Variants in ZNF250 observed in about 807,000 individuals in gnomAD.
ZNF250 encodes zinc finger protein 250.
Under a neutral mutation model 37.1 loss-of-function variants are expected in ZNF250, and 13 were observed. The observed-to-expected ratio is 0.35, with a 90% CI of 0.23 to 0.56. ZNF250 has a LOEUF of 0.56. ZNF250 is among the 20% of genes least tolerant of loss of function. The pLI is 0.87. For synonymous variants in ZNF250, 251 were observed against 265.6 expected (o/e 0.94, Z 0.54); for missense variants, 474 against 697.9 (o/e 0.68, Z 3.61).
chr8:144,898,322 CAAACAAAACAAAACA>C (rs139656437), intron 1 of ZNF250, among the ~76,000 whole-genome samples: 3 of 151,680 alleles, frequency 2.0e-5, no homozygotes, highest in African/African-American at 4.8e-5. Flanking sequence ...AATAAACAAA[CAAACAAAACAAAACA>C]AAACAAAACA....
At chr8:144,898,150 A>G (rs1832845438) in intron 1 of ZNF250, among the ~76,000 whole-genome samples, 1 of 152,168 alleles carries the variant, frequency 6.6e-6, no homozygotes, top group Non-Finnish European at 1.5e-5. Context: ...TACAAAAATT[A>G]GCTGGGTGTG....
In ZNF250 at chr8:144,890,972, G is replaced by A. The variant is rs536702732; in HGVS notation, c.-54-569C>T. 3.3e-5 allele frequency among the ~76,000 whole-genome samples: 5 copies of A among 152,312 alleles called. No individual in the cohort carries two copies. Among genetic ancestry groups the A allele is most frequent in the Admixed American group, 6.5e-5 (1 of 15,306 alleles). ...GGAGGCATGGAAGTGGTCAGTTCTGGACAAACTGAGTCAACAGTGGCCTAG... is the reference window on the plus strand; with the variant it reads ...GGAGGCATGGAAGTGGTCAGTTCTGAACAAACTGAGTCAACAGTGGCCTAG... On this transcript the variant is annotated intron_variant, in intron 1 of 5. Transcript: ENST00000417550. The surrounding 1 kb of genome is among the most constrained non-coding windows in gnomAD (Gnocchi z 5.1).
rs1019640441 is a variant in ZNF250, at chr8:144,901,096, C to T, written c.-55+303G>A. ...TGGGAGGGACGCCGGTCTGACGGGG[C>T]CCAAGGGGGTAGGGGCGGGGAAGGG... On this transcript the variant is annotated intron_variant, in intron 1 of 5. Coordinates refer to ENST00000417550, the MANE Select transcript of ZNF250 (RefSeq NM_001109689.4). This position sits in a 1 kb window ranked among gnomAD's most constrained non-coding sequence, Gnocchi z 5.4. 6.6e-6 allele frequency among the ~76,000 whole-genome samples: 1 copy of T among 151,820 alleles called. No individual in the cohort carries two copies. The highest frequency in any genetic ancestry group is 2.4e-5 in the African/African-American group (1 of 41,330).
intron 1 of ZNF250, among the ~76,000 whole-genome samples, chr8:144,894,756 C>T (rs1832594965): frequency 6.6e-6 from 1 of 152,064 alleles, no homozygotes; most frequent in African/African-American, 2.4e-5. Flanking sequence ...CTCCTGGGCT[C>T]AGGTGATCCT....
At position 144,901,023 on chromosome 8, in the gene ZNF250, G is replaced by T. The variant is rs1027991375; in HGVS notation, c.-55+376C>A. 2.6e-5 allele frequency among the ~76,000 whole-genome samples: 4 copies of T among 152,182 alleles called. No individual in the cohort carries two copies. Among genetic ancestry groups the T allele is most frequent in the Admixed American group, 6.5e-5 (1 of 15,286 alleles). On this transcript the variant is annotated intron_variant, in intron 1 of 5. Transcript: ENST00000417550. The surrounding 1 kb of genome is among the most constrained non-coding windows in gnomAD (Gnocchi z 5.4). ...GCACGGCGCCCGGTAGAAAGCGCGC[G>T]GGAGGGCACGAGGGGGAGGAAGGCC...
intron 5 of ZNF250, 43 bp downstream of exon 5, chr8:144,886,797 T>C: frequency 6.3e-7 from 1 of 1,577,490 alleles, no homozygotes; most frequent in Non-Finnish European, 8.7e-7. Context: ...TGTTAACACC[T>C]TCAGAGATTG....
chr8:144,882,430 C>T lies in ZNF250; in HGVS notation c.753G>A (p.Glu251=), dbSNP rs371435155. 48 of 1,614,036 alleles carry T rather than the reference C, an allele frequency of 3.0e-5. No homozygotes were observed. The highest frequency in any genetic ancestry group is 4.1e-5 in the Non-Finnish European group (48 of 1,180,036). Residue 251 remains glutamate, a synonymous_variant, in exon 6 of 6, where the codon GAG becomes GAA. Transcript: ENST00000417550. The surrounding 1 kb of genome is among the most constrained non-coding windows in gnomAD (Gnocchi z 5.5). ...TAAAGGCTTTTCCACACTCATTACA[C>T]TCATAGGGCTTCTCACCTGTGTGAA... is the stretch of plus-strand genomic sequence containing the variant. ...RRIHTGEKPY[E]CNECGKAFRV...
intron 4 of ZNF250, among the ~76,000 whole-genome samples, chr8:144,888,367 C>T (rs1333193542): frequency 6.6e-6 from 1 of 152,012 alleles, no homozygotes; most frequent in Admixed American, 6.6e-5. Flanking sequence ...GAGGCTGAGG[C>T]AGGTGGATCA....
intron 4 of ZNF250, among the ~76,000 whole-genome samples, chr8:144,887,280 A>T (rs920618443): frequency 2.2e-5 from 3 of 134,406 alleles, no homozygotes; most frequent in Non-Finnish European, 4.9e-5. Context: ...AAAAAAAAAA[A>T]GAGTGGAAAA....
At chr8:144,888,346 C>T (rs986640112) in intron 4 of ZNF250, among the ~76,000 whole-genome samples, 2 of 151,896 alleles carry the variant, frequency 1.3e-5, no homozygotes, top group Non-Finnish European at 2.9e-5. Flanking sequence ...CCTGTAATAC[C>T]AGCACTTTGG....
intron 5 of ZNF250, among the ~76,000 whole-genome samples, chr8:144,883,155 C>T (rs1831619331): frequency 6.6e-6 from 1 of 152,186 alleles, no homozygotes; most frequent in Non-Finnish European, 1.5e-5. Flanking sequence ...CAGGGGTCCT[C>T]ATGTGGACAG....
At chr8:144,885,476 T>G (rs1831807154) in intron 5 of ZNF250, among the ~76,000 whole-genome samples, 1 of 152,060 alleles carries the variant, frequency 6.6e-6, no homozygotes, top group African/African-American at 2.4e-5. Flanking sequence ...TATGTGGGTT[T>G]TTTTTTGAGA....
At position 144,880,418 on chromosome 8, in the gene ZNF250, C is replaced by T. The variant is rs1831387968; in HGVS notation, c.*1097G>A. 1 of 456,738 alleles carries T rather than the reference C, an allele frequency of 2.2e-6. No homozygotes were observed. 28.3% of individuals were successfully genotyped at this position (456,738 alleles called of 1,614,324 possible). A position where few individuals can be genotyped will look rare whatever the true frequency, so the allele number is the denominator to read the frequency against. On this transcript the variant is annotated 3_prime_UTR_variant, in exon 6 of 6. Transcript: ENST00000417550. ...GTGTGAAGCTCCCCTCCTTTGCCTG[C>T]ATGGGAATTGAGACATCTCACGGTT...
At position 144,890,555 on chromosome 8, in the gene ZNF250, C is replaced by T. The variant is rs1306512046; in HGVS notation, c.-54-152G>A. Reference sequence around the variant, plus strand: ...CTGCTACTGTTGCAGCCTTGGTCTGCCTTGCCTCCCCCATGAACTCTGACC... The same window carrying T: ...CTGCTACTGTTGCAGCCTTGGTCTGTCTTGCCTCCCCCATGAACTCTGACC... On this transcript the variant is annotated intron_variant, in intron 1 of 5. Transcript: ENST00000417550. This position sits in a 1 kb window ranked among gnomAD's most constrained non-coding sequence, Gnocchi z 5.1. Among the ~76,000 whole-genome samples the T allele has an allele frequency of 6.6e-6, 1 of 152,058 alleles. No homozygotes were observed. The highest frequency in any genetic ancestry group is 1.5e-5 in the Non-Finnish European group (1 of 67,966).
intron 4 of ZNF250, 43 bp from the exon 5 acceptor site, chr8:144,886,945 C>T: frequency 6.3e-7 from 1 of 1,584,722 alleles, no homozygotes; most frequent in Non-Finnish European, 8.7e-7. Context: ...AAAATACTCC[C>T]TTCAAGAGTG....
chr8:144,889,159 A>T (rs555643306), intron 4 of ZNF250, among the ~76,000 whole-genome samples: 1 of 152,372 alleles, frequency 6.6e-6, no homozygotes, highest in East Asian at 1.9e-4. Flanking sequence ...GAGATGAAAC[A>T]GTGTGCTTTC....
rs781764224 is a variant in ZNF250 at position 144,882,570 on chromosome 8, G to T, written c.613C>A (p.Arg205=). 1 of 1,614,032 alleles carries T rather than the reference G, an allele frequency of 6.2e-7. No homozygotes were observed. Among genetic ancestry groups the T allele is most frequent in the South Asian group, 1.1e-5 (1 of 91,070 alleles). Residue 205 remains arginine, a synonymous_variant, in exon 6 of 6, where the codon CGG becomes AGG. Transcript: ENST00000417550. This position sits in a 1 kb window ranked among gnomAD's most constrained non-coding sequence, Gnocchi z 5.5. ...MCVECGKCFG[R]SSHLLQHQRI... ...TGATGCTGAAGGAGGTGGGAACTCC[G>T]GCCAAAGCACTTCCCACACTCAACA...
intron 1 of ZNF250, among the ~76,000 whole-genome samples, chr8:144,900,796 C>T (rs1004714516): frequency 9.2e-5 from 14 of 152,208 alleles, no homozygotes; most frequent in East Asian, 3.9e-4. Flanking sequence ...TAAAGTGGCG[C>T]TCCCGGTGCG....
intron 1 of ZNF250, among the ~76,000 whole-genome samples, chr8:144,898,460 C>G (rs1832871651): frequency 1.3e-5 from 2 of 151,942 alleles, no homozygotes; most frequent in Admixed American, 6.6e-5. Context: ...CAAGATTAAA[C>G]CTTAGAAATG....
Sources: gnomAD v4.1 joint callset for allele counts (sites outside exome capture counted in the v4.1 genomes callset) on GRCh38, gnomAD v4.1.1 for gene constraint, Gnocchi (gnomAD v3.1) non-coding constraint, MANE v1.5 for transcripts, NCBI Gene and HGNC (gene_info 2026-07-23, HGNC 2026-07-21) for gene names.